C9orf85: variants seen among roughly 807,000 people sequenced by gnomAD.
The protein encoded by C9orf85 is uncharacterized protein C9orf85.
A neutral mutation model predicts 14.9 loss-of-function variants in C9orf85; 16 were observed. That is an observed-to-expected ratio of 1.08 (90% CI 0.73 to 1.63). The LOEUF is 1.63. C9orf85 is among the 40% of genes most tolerant of loss of function. The pLI is 0.00. For synonymous variants in C9orf85, 45 were observed against 56.8 expected, an observed-to-expected ratio of 0.79 and a Z score of 0.93; for missense variants, 172 against 186.1, an observed-to-expected ratio of 0.92 and a Z score of 0.44.
chr9:71,963,225 A>G (rs1396032233), intron 2 of C9orf85, among the ~76,000 whole-genome samples: 3 of 152,210 alleles, frequency 2.0e-5, no homozygotes, highest in Non-Finnish European at 4.4e-5. Context: ...TATCCATTAT[A>G]AAAAATGAGA....
At chr9:71,959,337 A>C (rs1822455823) in intron 2 of C9orf85, among the ~76,000 whole-genome samples, 5 of 151,662 alleles carry the variant, frequency 3.3e-5, no homozygotes. Flanking sequence ...GGGTTTCTCC[A>C]TGTTGGTCAG....
At chr9:71,980,748 A>T (rs1424152128) in intron 3 of C9orf85, among the ~76,000 whole-genome samples, 2 of 152,172 alleles carry the variant, frequency 1.3e-5, no homozygotes, top group South Asian at 2.1e-4. Context: ...AAGTGTAACT[A>T]AACAGTTACA....
downstream of C9orf85, among the ~76,000 whole-genome samples, chr9:71,976,902 A>T (rs545889509): frequency 6.6e-6 from 1 of 152,292 alleles, no homozygotes; most frequent in East Asian, 1.9e-4. Flanking sequence ...AGTATCCAGC[A>T]TATGAGGGGA....
At chr9:71,971,801 A>T (rs1466885545) in intron 3 of C9orf85, among the ~76,000 whole-genome samples, 183 bp downstream of exon 3, 1 of 152,102 alleles carries the variant, frequency 6.6e-6, no homozygotes, top group Non-Finnish European at 1.5e-5. Context: ...GTGAAACCTC[A>T]TCTCTACTAA....
At chr9:71,957,890 T>A (rs1197403524) in intron 2 of C9orf85, among the ~76,000 whole-genome samples, 2 of 152,176 alleles carry the variant, frequency 1.3e-5, no homozygotes, top group East Asian at 1.9e-4. Context: ...ATCAATAAAA[T>A]CCTTATTAGT....
At chr9:71,948,436 A>AT (rs1194642836) in intron 2 of C9orf85, among the ~76,000 whole-genome samples, 5 of 151,512 alleles carry the variant, frequency 3.3e-5, no homozygotes, top group Admixed American at 6.6e-5. Flanking sequence ...AGCTTTTTAG[A>AT]TTTTTTTTTC....
intron 1 of C9orf85, among the ~76,000 whole-genome samples, chr9:71,926,817 T>A (rs753276728): frequency 1.8e-4 from 27 of 151,760 alleles, no homozygotes; most frequent in Non-Finnish European, 1.8e-4. Flanking sequence ...GTGATAAAAA[T>A]TATGAAATAA....
At chr9:71,943,449 G>A (rs1018287449) in intron 1 of C9orf85, among the ~76,000 whole-genome samples, 1 of 152,112 alleles carries the variant, frequency 6.6e-6, no homozygotes, top group African/African-American at 2.4e-5. Flanking sequence ...ATATTTTTCA[G>A]CATCAGCATG....
intron 1 of C9orf85, among the ~76,000 whole-genome samples, chr9:71,927,798 T>A (rs1439225796): frequency 6.6e-6 from 1 of 152,224 alleles, no homozygotes; most frequent in Non-Finnish European, 1.5e-5. Flanking sequence ...ACTGTAGTAG[T>A]ATTTATATAA....
chr9:71,974,007 A>C (rs1225270639), downstream of C9orf85, among the ~76,000 whole-genome samples: 1 of 148,494 alleles, frequency 6.7e-6, no homozygotes, highest in African/African-American at 2.5e-5. Context: ...GCTCACTGCA[A>C]CCTCCACCTC....
chr9:71,982,227 TTCA>T (rs557953295), intron 3 of C9orf85, among the ~76,000 whole-genome samples: 122 of 151,920 alleles, frequency 8.0e-4, no homozygotes, highest in Non-Finnish European at 1.5e-3. Context: ...GTACCGATAG[TTCA>T]TCATTTTTTT....
intron 2 of C9orf85, among the ~76,000 whole-genome samples, chr9:71,955,428 C>A (rs570092719): frequency 6.6e-6 from 1 of 152,052 alleles, no homozygotes; most frequent in East Asian, 1.9e-4. Flanking sequence ...GCTTCAATAA[C>A]GGTTTTGGAC....
rs575180914 is a variant in C9orf85 at position 71,952,312 on chromosome 9, G to A, written c.209+5200G>A. Among the ~76,000 whole-genome samples, 30 of 152,138 alleles carry A rather than the reference G, an allele frequency of 2.0e-4. 1 individual carries two copies. Among genetic ancestry groups the A allele is most frequent in the Middle Eastern group, 3.4e-3 (1 of 292 alleles). On this transcript the variant is annotated intron_variant, in intron 2 of 3. Transcript: ENST00000334731. ...GTTTATGGACATTGTCTGCTGTTGA[G>A]TACCACATATCCTGCTGAGGACCAC...
At chr9:71,969,740 TC>T (rs1483196208) in intron 2 of C9orf85, among the ~76,000 whole-genome samples, 1 of 152,142 alleles carries the variant, frequency 6.6e-6, no homozygotes, top group African/African-American at 2.4e-5. Flanking sequence ...CTTCTTTAGC[TC>T]CGTTTTGTAA....
chr9:71,947,976 A>T (rs183044134), intron 2 of C9orf85, among the ~76,000 whole-genome samples: 8 of 152,280 alleles, frequency 5.3e-5, no homozygotes, highest in Admixed American at 3.3e-4. Flanking sequence ...GGGTTCTCTT[A>T]TATCAGCCTT....
chr9:71,956,736 G>GA (rs1479136030), intron 2 of C9orf85, among the ~76,000 whole-genome samples: 2 of 151,588 alleles, frequency 1.3e-5, no homozygotes, highest in Non-Finnish European at 2.9e-5. Context: ...TTCAAAACCT[G>GA]GGGGAAAAAA....
intron 1 of C9orf85, among the ~76,000 whole-genome samples, chr9:71,936,036 A>T (rs1363200519): frequency 6.6e-6 from 1 of 151,982 alleles, no homozygotes; most frequent in Non-Finnish European, 1.5e-5. Flanking sequence ...ATACAGGTGA[A>T]AGAGGAAGAA....
chr9:71,948,733 A>G (rs1822165424), intron 2 of C9orf85, among the ~76,000 whole-genome samples: 1 of 151,022 alleles, frequency 6.6e-6, no homozygotes. Context: ...TGTGCTGGCC[A>G]GGCCGGTCTC....
intron 1 of C9orf85, among the ~76,000 whole-genome samples, chr9:71,919,697 A>G (rs535508142): frequency 1.2e-3 from 180 of 152,182 alleles, no homozygotes; most frequent in African/African-American, 4.2e-3. Flanking sequence ...GCCCTTTTCA[A>G]TGCTTTGAAG....
Sources: gnomAD v4.1 joint callset for allele counts (sites outside exome capture counted in the v4.1 genomes callset) on GRCh38, gnomAD v4.1.1 for gene constraint, MANE v1.5 for transcripts, NCBI Gene and HGNC (gene_info 2026-07-23, HGNC 2026-07-21) for gene names.